Variants in CLVS1 observed in about 807,000 individuals in gnomAD.
The protein encoded by CLVS1 is clavesin 1, also known as clavesin-1.
A neutral mutation model predicts 33.1 loss-of-function variants in CLVS1; 10 were observed. The ratio of observed to expected loss-of-function variants is 0.30; its 90% CI spans 0.19 to 0.51. The LOEUF is 0.51. Ranked by LOEUF, CLVS1 falls within the 20% of genes least tolerant of loss-of-function variation. The pLI is 0.97. For missense variants in CLVS1, 343 were observed against 433.4 expected (o/e 0.79, Z 1.85); for synonymous variants, 163 against 166.1 (o/e 0.98, Z 0.14).
At chr8:61,243,900 G>T (rs903312032) in intron 2 of CLVS1, among the ~76,000 whole-genome samples, 1 of 151,984 alleles carries the variant, frequency 6.6e-6, no homozygotes, top group Non-Finnish European at 1.5e-5. Context: ...TTTTTGAGAC[G>T]GATACTTTAC....
chr8:61,233,724 A>C (rs918502523), intron 2 of CLVS1, among the ~76,000 whole-genome samples: 1 of 152,178 alleles, frequency 6.6e-6, no homozygotes, highest in Non-Finnish European at 1.5e-5. Context: ...TGGCTGGGAA[A>C]AGGGCCTGTG....
intron 1 of CLVS1, among the ~76,000 whole-genome samples, chr8:61,122,902 G>A (rs1805903564): frequency 6.9e-6 from 1 of 144,832 alleles, no homozygotes; most frequent in Non-Finnish European, 1.5e-5. Context: ...AATGTTCGTG[G>A]TTTCTTCAGT....
the CLVS1 span, among the ~76,000 whole-genome samples, chr8:61,008,387 G>A: frequency 6.6e-6 from 1 of 151,272 alleles, no homozygotes; most frequent in Non-Finnish European, 1.5e-5. Context: ...TCTAAAAAAT[G>A]TGTTTTCTAA....
chr8:61,243,720 C>G (rs183398355), intron 2 of CLVS1, among the ~76,000 whole-genome samples: 1 of 152,124 alleles, frequency 6.6e-6, no homozygotes, highest in Admixed American at 6.6e-5. Flanking sequence ...TAAGGCTTCT[C>G]CCTGTCAAGC....
chr8:61,323,719 G>T (rs1811278827), intron 2 of CLVS1, among the ~76,000 whole-genome samples: 1 of 151,584 alleles, frequency 6.6e-6, no homozygotes, highest in Admixed American at 6.6e-5. Context: ...GTAAACTTGT[G>T]TCATGGGGGT....
chr8:61,383,334 T>G (rs1033363552), intron 3 of CLVS1, among the ~76,000 whole-genome samples: 8 of 152,252 alleles, frequency 5.3e-5, no homozygotes, highest in African/African-American at 1.9e-4. Flanking sequence ...TTAATGAGGC[T>G]GAAATGCACC....
At chr8:61,311,391 A>G (rs904585983) in intron 2 of CLVS1, among the ~76,000 whole-genome samples, 1 of 152,196 alleles carries the variant, frequency 6.6e-6, no homozygotes, top group Non-Finnish European at 1.5e-5. Context: ...TCCAGGGCTC[A>G]GCTGCTTTCT....
At chr8:61,196,111 A>G (rs1265561088) in intron 2 of CLVS1, among the ~76,000 whole-genome samples, 1 of 152,194 alleles carries the variant, frequency 6.6e-6, no homozygotes, top group Non-Finnish European at 1.5e-5. Flanking sequence ...TAGACTTTAG[A>G]GTCATGAATT....
chr8:61,179,631 TAACA>T (rs1807191414), intron 2 of CLVS1, among the ~76,000 whole-genome samples: 1 of 152,078 alleles, frequency 6.6e-6, no homozygotes, highest in Non-Finnish European at 1.5e-5. Context: ...ACTGAAATAA[TAACA>T]AACAGTGTCT....
At chr8:61,331,693 C>T (rs1424878570) in intron 2 of CLVS1, among the ~76,000 whole-genome samples, 1 of 152,104 alleles carries the variant, frequency 6.6e-6, no homozygotes, top group Non-Finnish European at 1.5e-5. Flanking sequence ...TCAATAACAT[C>T]CTATCCTGCT....
chr8:61,420,031 A>G (rs565034573), intron 3 of CLVS1, among the ~76,000 whole-genome samples: 29 of 152,322 alleles, frequency 1.9e-4, no homozygotes, highest in Middle Eastern at 6.8e-3. Context: ...ACTGATTATT[A>G]TTATCTAATA....
chr8:61,210,046 T>A (rs575769722), intron 2 of CLVS1, among the ~76,000 whole-genome samples: 1 of 152,336 alleles, frequency 6.6e-6, no homozygotes, highest in East Asian at 1.9e-4. Context: ...TCAGGTAAGA[T>A]CTTTAAAGCA....
At chr8:61,411,861 C>A (rs547008041) in intron 3 of CLVS1, among the ~76,000 whole-genome samples, 3 of 152,284 alleles carry the variant, frequency 2.0e-5, no homozygotes, top group Non-Finnish European at 2.9e-5. Flanking sequence ...TCAGAAGATG[C>A]AAATCCAGCA....
intron 2 of CLVS1, among the ~76,000 whole-genome samples, chr8:61,224,006 T>G (rs1309851436): frequency 6.6e-6 from 1 of 152,168 alleles, no homozygotes; most frequent in Non-Finnish European, 1.5e-5. Context: ...TGCTATGTTT[T>G]TCAGCTCCAT....
rs529405718 is a variant in CLVS1 at position 61,077,774 on chromosome 8, C to T, written c.-243+20544C>T. On this transcript the variant is annotated intron_variant, in intron 1 of 2. Coordinates refer to the CLVS1 transcript ENST00000522621. Reference sequence around the variant, plus strand: ...AGAGAAAGAGAGGAAATGCTCTGCTCCCTCCCAGCACTGGGAGGAGCACAG... The same window carrying T: ...AGAGAAAGAGAGGAAATGCTCTGCTTCCTCCCAGCACTGGGAGGAGCACAG... Among the ~76,000 whole-genome samples, 26 of 152,332 alleles carry T rather than the reference C, an allele frequency of 1.7e-4. No individual in the cohort carries two copies. In the South Asian group the frequency reaches 5.2e-3, roughly 30 times the overall value.
chr8:61,094,570 C>A (rs191083932), intron 1 of CLVS1, among the ~76,000 whole-genome samples: 179 of 152,168 alleles, frequency 1.2e-3, no homozygotes, highest in African/African-American at 3.8e-3. Context: ...ACGTTGAAGC[C>A]CAAACCCCAG....
chr8:61,009,531 G>C, the CLVS1 span, among the ~76,000 whole-genome samples: 1 of 37,704 alleles, frequency 2.7e-5, no homozygotes, highest in Non-Finnish European at 5.9e-5. Context: ...TTATTAATGA[G>C]GTTGAACTTT....
rs536159290 is a variant in CLVS1, at chr8:61,470,402, C to T, written c.977+11860C>T. On this transcript the variant is annotated intron_variant, in intron 5 of 5. Transcript: ENST00000325897. ...TAGAGTTGAATTAGAAGGAAATGAA[C>T]GGATGTGAATAAACTGCCTGGTGTA... Among the ~76,000 whole-genome samples the T allele has an allele frequency of 1.1e-4, 16 of 152,256 alleles. No homozygotes were observed. The South Asian group carries it at 1.2e-3, about 12-fold the overall frequency.
At chr8:61,408,259 C>G (rs1248127286) in intron 3 of CLVS1, among the ~76,000 whole-genome samples, 1 of 152,170 alleles carries the variant, frequency 6.6e-6, no homozygotes, top group Non-Finnish European at 1.5e-5. Flanking sequence ...AAGTACATCT[C>G]AAGAGGTGAA....
Sources: gnomAD v4.1 joint callset for allele counts (sites outside exome capture counted in the v4.1 genomes callset) on GRCh38, gnomAD v4.1.1 for gene constraint, MANE v1.5 for transcripts, NCBI Gene and HGNC (gene_info 2026-07-23, HGNC 2026-07-21) for gene names.